Variants in KAZN observed in about 807,000 individuals in gnomAD.
The protein encoded by KAZN is kazrin, periplakin interacting protein.
In KAZN, 40 loss-of-function variants were observed where a neutral mutation model predicts 87.4. That is an observed-to-expected ratio of 0.46 (90% CI 0.36 to 0.60). The LOEUF (loss-of-function observed/expected upper bound fraction) is 0.60. Among genes scored for constraint, KAZN ranks in the 20% least tolerant of loss-of-function variants. KAZN has a pLI of 0.00. For synonymous variants in KAZN, 466 were observed against 458.3 expected, an observed-to-expected ratio of 1.02 and a Z score of -0.22; for missense variants, 898 against 1,073.9, an observed-to-expected ratio of 0.84 and a Z score of 2.29.
At chr1:14,508,213 C>T (rs747699986) in intron 2 of KAZN, among the ~76,000 whole-genome samples, 2 of 152,098 alleles carry the variant, frequency 1.3e-5, no homozygotes, top group Non-Finnish European at 2.9e-5. Flanking sequence ...TATGTTCGTG[C>T]AAAGCCATCA....
chr1:13,967,324 C>A (rs1641981982), intron 1 of KAZN, among the ~76,000 whole-genome samples: 1 of 152,140 alleles, frequency 6.6e-6, no homozygotes, highest in South Asian at 2.1e-4. Context: ...GCAAGGAATG[C>A]AAGTCTTCCA....
chr1:14,075,823 G>A (rs528221612), intron 1 of KAZN, among the ~76,000 whole-genome samples: 11 of 152,142 alleles, frequency 7.2e-5, no homozygotes, highest in South Asian at 2.1e-4. Flanking sequence ...TCTGCCCACC[G>A]GACGTCAGTG....
At chr1:14,848,509 A>G (rs764399146) in intron 1 of KAZN, among the ~76,000 whole-genome samples, 44 of 152,216 alleles carry the variant, frequency 2.9e-4, no homozygotes, top group Non-Finnish European at 5.7e-4. Flanking sequence ...ATCATTGCTA[A>G]CCAAAGACAA....
chr1:14,957,863 C>T (rs1163772258), intron 1 of KAZN, among the ~76,000 whole-genome samples: 1 of 152,182 alleles, frequency 6.6e-6, no homozygotes, highest in East Asian at 1.9e-4. Context: ...GTGCCTTGCA[C>T]CTCAGAGGCG....
intron 1 of KAZN, among the ~76,000 whole-genome samples, chr1:14,767,320 G>T (rs1314623864): frequency 1.3e-5 from 2 of 152,168 alleles, no homozygotes; most frequent in African/African-American, 2.4e-5. Context: ...CTGAAGGCTG[G>T]GAGTGGGAGG....
At chr1:14,667,164 G>A (rs939825410) in intron 1 of KAZN, among the ~76,000 whole-genome samples, 5 of 152,120 alleles carry the variant, frequency 3.3e-5, no homozygotes, top group African/African-American at 1.2e-4. Context: ...GGACACCATT[G>A]AACACACTCT....
chr1:14,477,148 G>A (rs530917037), intron 2 of KAZN, among the ~76,000 whole-genome samples: 1 of 152,260 alleles, frequency 6.6e-6, no homozygotes, highest in African/African-American at 2.4e-5. Flanking sequence ...ATTAAATTAT[G>A]GGGGTGGGCC....
At chr1:14,865,844 A>AGGAGGGAG (rs1651393613) in intron 1 of KAZN, among the ~76,000 whole-genome samples, 1 of 152,178 alleles carries the variant, frequency 6.6e-6, no homozygotes, top group Non-Finnish European at 1.5e-5. Flanking sequence ...ATACACAGGG[A>AGGAGGGAG]GGAGGCCGTG....
At chr1:14,938,509 T>C (rs1255003496) in intron 1 of KAZN, among the ~76,000 whole-genome samples, 1 of 141,030 alleles carries the variant, frequency 7.1e-6, no homozygotes, top group Non-Finnish European at 1.5e-5. Flanking sequence ...ACCACTGCAC[T>C]CCAGCCTGGG....
rs1259619200 is a variant in KAZN at position 14,736,266 on chromosome 1, T to G, written c.226+137043T>G. Among the ~76,000 whole-genome samples, 367 of 140,332 alleles carry G rather than the reference T, an allele frequency of 2.6e-3. 2 individuals carry two copies. Among genetic ancestry groups the G allele is most frequent in the Middle Eastern group, 7.0e-3 (2 of 284 alleles). 92.1% of individuals were successfully genotyped at this position (140,332 alleles called of 152,430 possible). ...TGTGGGACTCAAGGGTGTGTGTGTGTGTGTGTGTGTGTGTGTGTGTGTGTG... is the reference window on the plus strand; with the variant it reads ...TGTGGGACTCAAGGGTGTGTGTGTGGGTGTGTGTGTGTGTGTGTGTGTGTG... On this transcript the variant is annotated intron_variant, in intron 1 of 14. Transcript: ENST00000376030.
rs112185378 is a variant in KAZN, at chr1:15,056,044, T to G, written c.727-47T>G. On this transcript the variant is annotated intron_variant, in intron 4 of 14. Transcript: ENST00000376030. This position sits in a 1 kb window ranked among gnomAD's most constrained non-coding sequence, Gnocchi z 5.4. ...GTGGTGCCAAGCAGCTGGCCAAGAG[T>G]TCCCCTTGATCATGACTTCTTCTTC... 1,439 of 1,551,200 alleles carry G rather than the reference T, an allele frequency of 9.3e-4. 14 individuals are homozygous for G. In the African/African-American group the frequency reaches 0.017, roughly 19 times the overall value.
chr1:15,010,129 T>G (rs1194810320), intron 2 of KAZN, among the ~76,000 whole-genome samples: 1 of 152,250 alleles, frequency 6.6e-6, no homozygotes, highest in African/African-American at 2.4e-5. Flanking sequence ...CTTTCTTTTT[T>G]TATTATCCTT....
intron 1 of KAZN, among the ~76,000 whole-genome samples, chr1:14,775,194 G>A (rs1385261472): frequency 2.0e-5 from 3 of 152,204 alleles, no homozygotes; most frequent in African/African-American, 7.2e-5. Flanking sequence ...CAGAGAGTGA[G>A]GGCCAAAGGG....
intron 2 of KAZN, among the ~76,000 whole-genome samples, chr1:14,514,678 A>G (rs1671211286): frequency 7.9e-6 from 1 of 126,818 alleles, no homozygotes; most frequent in Non-Finnish European, 1.6e-5. Context: ...CTGTGCCTGT[A>G]TTAGTAATTC....
At chr1:14,591,678 G>A (rs1572000938) in intron 2 of KAZN, among the ~76,000 whole-genome samples, 1 of 152,202 alleles carries the variant, frequency 6.6e-6, no homozygotes, top group East Asian at 1.9e-4. Flanking sequence ...CAGAAGGGAT[G>A]CGCCTGACCG....
At chr1:14,880,142 G>A (rs1297401289) in intron 1 of KAZN, among the ~76,000 whole-genome samples, 1 of 152,158 alleles carries the variant, frequency 6.6e-6, no homozygotes, top group African/African-American at 2.4e-5. Flanking sequence ...GGAGAGTTAT[G>A]TGTGAAAAGG....
intron 1 of KAZN, among the ~76,000 whole-genome samples, chr1:14,902,445 G>T (rs1656039432): frequency 6.6e-6 from 1 of 152,022 alleles, no homozygotes. Context: ...AGCCAGGATG[G>T]TCTTGATCTC....
intron 1 of KAZN, among the ~76,000 whole-genome samples, chr1:14,957,584 C>T (rs373076342): frequency 1.8e-4 from 27 of 152,310 alleles, no homozygotes; most frequent in East Asian, 5.8e-4. Context: ...GGTTGCCTGC[C>T]GTGCTGTTGA....
intron 2 of KAZN, among the ~76,000 whole-genome samples, chr1:14,413,614 A>C (rs1664494022): frequency 6.6e-6 from 1 of 150,956 alleles, no homozygotes; most frequent in Admixed American, 6.6e-5. Flanking sequence ...AAAAAAAAAA[A>C]AAAAACGCAT....
Sources: allele counts gnomAD v4.1 joint callset (sites outside exome capture counted in the v4.1 genomes callset), GRCh38; gene constraint gnomAD v4.1.1; non-coding constraint Gnocchi (gnomAD v3.1); transcripts MANE v1.5; gene names NCBI Gene and HGNC (gene_info 2026-07-23, HGNC 2026-07-21).